GRAMD1C: variants seen among roughly 807,000 people sequenced by gnomAD.
GRAMD1C encodes protein Aster-C.
A neutral mutation model predicts 97.8 loss-of-function variants in GRAMD1C; 89 were observed. The observed-to-expected ratio is 0.91, with a 90% CI of 0.77 to 1.09. The LOEUF (loss-of-function observed/expected upper bound fraction) is 1.09. GRAMD1C is among the 50% of genes least tolerant of loss of function. GRAMD1C has a pLI of 0.00. For synonymous variants in GRAMD1C, 256 were observed against 267.0 expected, an observed-to-expected ratio of 0.96 and a Z score of 0.40; for missense variants, 740 against 766.4, an observed-to-expected ratio of 0.97 and a Z score of 0.41.
intron 6 of GRAMD1C, among the ~76,000 whole-genome samples, chr3:113,900,352 C>A (rs1454654744): frequency 1.3e-5 from 2 of 150,652 alleles, no homozygotes; most frequent in East Asian, 2.0e-4. Context: ...CAGTGAGACT[C>A]CATCTCAAAA....
At chr3:113,842,911 C>A (rs2399491) in intron 1 of GRAMD1C, among the ~76,000 whole-genome samples, 1 of 150,744 alleles carries the variant, frequency 6.6e-6, no homozygotes, top group South Asian at 2.1e-4. Flanking sequence ...TGCAGTGAGC[C>A]GAGATCACGC....
intron 8 of GRAMD1C, among the ~76,000 whole-genome samples, chr3:113,905,593 C>G (rs1936341381): frequency 6.6e-6 from 1 of 151,880 alleles, no homozygotes; most frequent in South Asian, 2.1e-4. Context: ...TTTATAAGGT[C>G]TTTTTTAATA....
intron 2 of GRAMD1C, among the ~76,000 whole-genome samples, chr3:113,857,565 A>G (rs949708996): frequency 4.6e-5 from 7 of 151,882 alleles, no homozygotes; most frequent in African/African-American, 1.5e-4. Context: ...TTTAGTAGGG[A>G]CGGGGTTTCA....
chr3:113,884,084 C>T (rs917252623), intron 6 of GRAMD1C, among the ~76,000 whole-genome samples: 1 of 152,202 alleles, frequency 6.6e-6, no homozygotes, highest in African/African-American at 2.4e-5. Flanking sequence ...AAATATAAGA[C>T]TTGAACACCA....
At position 113,946,793 on chromosome 3, in the gene GRAMD1C, G is replaced by A. The variant is rs1011541638; in HGVS notation, c.*1315G>A. ...GCATTATTATAGTCATTTTTGAGAT[G>A]CCTGTAGAGAATGAAAGTATTGACT... On this transcript the variant is annotated 3_prime_UTR_variant, in exon 18 of 18. Coordinates refer to ENST00000358160, the MANE Select transcript of GRAMD1C (RefSeq NM_017577.5). The A allele has an allele frequency of 1.3e-5, 2 of 152,186 alleles. No homozygotes were observed. The highest frequency in any genetic ancestry group is 2.4e-5 in the African/African-American group (1 of 41,442). The allele number at this position is 152,186 out of a possible 1,614,324, so 9.4% of individuals were successfully genotyped here. A position where few individuals can be genotyped will look rare whatever the true frequency, so the allele number is the denominator to read the frequency against.
intron 2 of GRAMD1C, among the ~76,000 whole-genome samples, chr3:113,851,504 G>T (rs1257076583): frequency 6.7e-6 from 1 of 149,696 alleles, no homozygotes; most frequent in Non-Finnish European, 1.5e-5. Context: ...CTAGATAATA[G>T]TCAAGTTTTC....
At chr3:113,839,912 AC>A (rs1331258914) in intron 1 of GRAMD1C, among the ~76,000 whole-genome samples, 1 of 151,990 alleles carries the variant, frequency 6.6e-6, no homozygotes, top group Non-Finnish European at 1.5e-5. Context: ...GCCAGAATGG[AC>A]CCCCATCCCA....
intron 6 of GRAMD1C, among the ~76,000 whole-genome samples, chr3:113,888,192 C>T (rs1161383072): frequency 6.6e-6 from 1 of 152,158 alleles, no homozygotes; most frequent in Non-Finnish European, 1.5e-5. Flanking sequence ...GGACCAGTAT[C>T]CCTTATGAAC....
rs1046288092 is a variant in GRAMD1C at position 113,947,022 on chromosome 3, T to C, written c.*1544T>C. ...ACAAACAATATTTTTGTGATGTTTA[T>C]TTAAACGTTGTATTTTATAACATAC... On this transcript the variant is annotated 3_prime_UTR_variant, in exon 18 of 18. Transcript: ENST00000358160. 6.6e-6 allele frequency: 1 copy of C among 151,378 alleles called. No individual in the cohort carries two copies. Among genetic ancestry groups the C allele is most frequent in the African/African-American group, 2.4e-5 (1 of 41,470 alleles). The allele number at this position is 151,378 out of a possible 1,614,324, so 9.4% of individuals were successfully genotyped here. A position where few individuals can be genotyped will look rare whatever the true frequency, so the allele number is the denominator to read the frequency against.
At chr3:113,839,838 T>C (rs985579572) in intron 1 of GRAMD1C, among the ~76,000 whole-genome samples, 2 of 152,124 alleles carry the variant, frequency 1.3e-5, no homozygotes, top group Non-Finnish European at 2.9e-5. Context: ...AGAGATTGAC[T>C]TTGCTAAGGA....
chr3:113,911,173 G>GACACACAC (rs60151773), intron 9 of GRAMD1C, among the ~76,000 whole-genome samples: 45 of 147,534 alleles, frequency 3.1e-4, no homozygotes, highest in African/African-American at 9.0e-4. Context: ...CAGAGAGAGA[G>GACACACAC]ACACACACAC....
At chr3:113,934,296 C>T (rs960764705) in intron 12 of GRAMD1C, 136 bp from the exon 13 acceptor site, 4 of 555,208 alleles carry the variant, frequency 7.2e-6, no homozygotes, top group African/African-American at 4.0e-5. Flanking sequence ...TATCAATGAA[C>T]ACATTTTCTT....
In GRAMD1C at chr3:113,904,667, GT is replaced by G. The variant is rs368578058; in HGVS notation, c.789+399del. On this transcript the variant is annotated intron_variant, in intron 8 of 17. Transcript: ENST00000358160. Reference sequence around the variant, plus strand: ...AGGGAACAGCATGGAGAAAGAATCTGTTTTGAAGGGAGAGATGAGCCCCTGA... The same window carrying G: ...AGGGAACAGCATGGAGAAAGAATCTGTTTGAAGGGAGAGATGAGCCCCTGA... 1.4e-4 allele frequency among the ~76,000 whole-genome samples: 21 copies of G among 151,334 alleles called. No individual in the cohort carries two copies. In the East Asian group the frequency reaches 3.9e-3, roughly 28 times the overall value.
chr3:113,838,774 C>A, upstream of GRAMD1C: 1 of 501,210 alleles, frequency 2.0e-6, no homozygotes, highest in Non-Finnish European at 3.1e-6. Flanking sequence ...GCGCAAGGAG[C>A]TGCGGCTGGA....
intron 1 of GRAMD1C, among the ~76,000 whole-genome samples, chr3:113,829,631 T>A (rs1306751065): frequency 6.6e-6 from 1 of 152,224 alleles, no homozygotes; most frequent in Non-Finnish European, 1.5e-5. Flanking sequence ...CATAAAACTT[T>A]TACTCAGATT....
At position 113,936,376 on chromosome 3, in the gene GRAMD1C, G is replaced by T. The variant is rs201775427; in HGVS notation, c.1567G>T (p.Val523Phe). The T allele has an allele frequency of 2.0e-5, 32 of 1,613,578 alleles. No homozygotes were observed. Among genetic ancestry groups the T allele is most frequent in the Non-Finnish European group, 2.6e-5 (31 of 1,179,696 alleles). ...AACCTTCAACCGAACAGCAGAAACA[G>T]TTCCTAAACTTTCCTCTCAGCATTC... ...RRTFNRTAET[V>F]PKLSSQHSSG... Residue 523 changes from valine (V) to phenylalanine (F), a missense_variant, in exon 14 of 18, where the codon GTT becomes TTT. Val to Phe is a conservative substitution (Grantham distance 50, BLOSUM62 -1). Coordinates refer to ENST00000358160, the MANE Select transcript of GRAMD1C (RefSeq NM_017577.5).
chr3:113,843,597 A>G (rs1255949015), intron 1 of GRAMD1C, among the ~76,000 whole-genome samples: 1 of 151,510 alleles, frequency 6.6e-6, no homozygotes, highest in Non-Finnish European at 1.5e-5. Context: ...CTTCTGCCTC[A>G]GCTTCCGAGT....
At chr3:113,936,635 G>A in intron 14 of GRAMD1C, 193 bp downstream of exon 14, 1 of 432,826 alleles carries the variant, frequency 2.3e-6, no homozygotes, top group Non-Finnish European at 4.0e-6. Flanking sequence ...AAAATGGCAA[G>A]CATATAACCA....
intron 2 of GRAMD1C, among the ~76,000 whole-genome samples, chr3:113,865,045 C>G (rs1559784309): frequency 6.6e-6 from 1 of 152,136 alleles, no homozygotes; most frequent in Non-Finnish European, 1.5e-5. Context: ...ATGGAAAGTT[C>G]AAGATCAGGT....
Sources: allele counts gnomAD v4.1 joint callset (sites outside exome capture counted in the v4.1 genomes callset), GRCh38; gene constraint gnomAD v4.1.1; transcripts MANE v1.5; gene names NCBI Gene and HGNC (gene_info 2026-07-23, HGNC 2026-07-21).